The following DDAH1 variants were observed in gnomAD, a reference collection of about 807,000 sequenced individuals.
DDAH1 encodes dimethylarginine dimethylaminohydrolase 1.
In DDAH1, 19 loss-of-function variants were observed where a neutral mutation model predicts 28.8. That is an observed-to-expected ratio of 0.66 (90% confidence interval 0.46 to 0.97). The LOEUF (loss-of-function observed/expected upper bound fraction) is 0.97, where lower values mean the gene tolerates loss of function less well. Ranked by LOEUF, DDAH1 falls within the 50% of genes least tolerant of loss-of-function variation. The pLI, the probability that DDAH1 is intolerant of heterozygous loss-of-function variation, is 0.00. For synonymous variants in DDAH1, 153 were observed against 154.4 expected, an observed-to-expected ratio of 0.99 and a Z score of 0.07; for missense variants, 326 against 375.9, an observed-to-expected ratio of 0.87 and a Z score of 1.10.
chr1:85,499,659 T>G (rs1570612220), intron 1 of DDAH1, among the ~76,000 whole-genome samples: 1 of 138,974 alleles, frequency 7.2e-6, no homozygotes, highest in East Asian at 2.1e-4. Context: ...ACAGTGAGAC[T>G]CCATCTCAAA....
intron 1 of DDAH1, among the ~76,000 whole-genome samples, chr1:85,571,787 CTTTTTTTTTTT>C (rs58835610): frequency 4.7e-5 from 4 of 85,402 alleles, no homozygotes; most frequent in Admixed American, 1.5e-4. Context: ...TGTTTATAAG[CTTTTTTTTTTT>C]TTTTTTTTTT....
intron 2 of DDAH1, among the ~76,000 whole-genome samples, chr1:85,478,106 G>C (rs1363227640): frequency 1.3e-5 from 2 of 152,112 alleles, no homozygotes; most frequent in Middle Eastern, 3.2e-3. Flanking sequence ...GCCTTGGAAA[G>C]CAAATTTTTC....
chr1:85,567,415 A>G (rs773207415), intron 1 of DDAH1, among the ~76,000 whole-genome samples: 50 of 152,268 alleles, frequency 3.3e-4, no homozygotes, highest in Admixed American at 2.0e-4. Flanking sequence ...ACAAGATCCA[A>G]TGGTTTTAAA....
chr1:85,351,060 G>C (rs1570416494), intron 3 of DDAH1, among the ~76,000 whole-genome samples: 2 of 137,204 alleles, frequency 1.5e-5, no homozygotes, highest in East Asian at 4.3e-4. Context: ...GGGTTTCCAA[G>C]TTTTTTTTTT....
At position 85,464,120 on chromosome 1, in the gene DDAH1, A is replaced by T. The variant is rs188768868; in HGVS notation, c.303+623T>A. Among the ~76,000 whole-genome samples the T allele has an allele frequency of 6.6e-6, 1 of 152,334 alleles. No homozygotes were observed. The highest frequency in any genetic ancestry group is 2.4e-5 in the African/African-American group (1 of 41,586). ...GCACAGAGTACAGCTTTTCAAACCT[A>T]GCCCATTCATGCACACATTTAGCAC... On this transcript the variant is annotated intron_variant, in intron 1 of 5. Transcript: ENST00000284031. This position sits in a 1 kb window ranked among gnomAD's most constrained non-coding sequence, Gnocchi z 4.4.
chr1:85,326,717 T>C (rs1487080925), intron 4 of DDAH1, among the ~76,000 whole-genome samples: 2 of 152,232 alleles, frequency 1.3e-5, no homozygotes, highest in African/African-American at 4.8e-5. Flanking sequence ...CCGTCTGGTA[T>C]AGGTAAAGGA....
chr1:85,359,183 A>G (rs1288169256), intron 1 of DDAH1, among the ~76,000 whole-genome samples: 2 of 152,212 alleles, frequency 1.3e-5, no homozygotes, highest in African/African-American at 4.8e-5. Context: ...TTAATGCACC[A>G]TTGGAAGCTG....
chr1:85,345,207 G>C (rs747947909), intron 4 of DDAH1, among the ~76,000 whole-genome samples: 1 of 152,036 alleles, frequency 6.6e-6, no homozygotes, highest in Non-Finnish European at 1.5e-5. Flanking sequence ...TTCTTTGGGG[G>C]GGTTGGCTTC....
At chr1:85,358,581 G>A (rs550667459) in intron 2 of DDAH1, among the ~76,000 whole-genome samples, 167 bp downstream of exon 2, 7 of 152,170 alleles carry the variant, frequency 4.6e-5, no homozygotes, top group South Asian at 2.1e-4. Flanking sequence ...CCCAGGAGGC[G>A]GAGGTTGCAG....
chr1:85,465,102 G>T lies in DDAH1; in HGVS notation c.-57C>A. 8.4e-7 allele frequency: 1 copy of T among 1,191,844 alleles called. No homozygotes were observed. Among genetic ancestry groups the T allele is most frequent in the Non-Finnish European group, 1.0e-6 (1 of 963,246 alleles). 73.8% of individuals were successfully genotyped at this position (1,191,844 alleles called of 1,614,324 possible). ...GCGGAGGCGGCCGGGTCCTGCCGCG[G>T]GCAGCGCGCGCTGAGCCTGCGAGCG... On this transcript the variant is annotated 5_prime_UTR_variant, in exon 1 of 6. Transcript: ENST00000284031.
intron 4 of DDAH1, among the ~76,000 whole-genome samples, chr1:85,327,730 G>A (rs1174523333): frequency 6.6e-6 from 1 of 151,998 alleles, no homozygotes; most frequent in Non-Finnish European, 1.5e-5. Flanking sequence ...AAATGGGATG[G>A]GAATGCTATA....
At chr1:85,545,593 G>A (rs565342732) in intron 1 of DDAH1, among the ~76,000 whole-genome samples, 1 of 152,312 alleles carries the variant, frequency 6.6e-6, no homozygotes, top group East Asian at 1.9e-4. Flanking sequence ...CATTTGGAAA[G>A]AGGTGTATAT....
chr1:85,514,098 C>A (rs113428500), intron 1 of DDAH1, among the ~76,000 whole-genome samples: 1 of 152,172 alleles, frequency 6.6e-6, no homozygotes, highest in African/African-American at 2.4e-5. Flanking sequence ...GACTTGGAAC[C>A]AACTCAAATG....
chr1:85,571,882 G>A (rs747662952), intron 1 of DDAH1, among the ~76,000 whole-genome samples: 3 of 130,660 alleles, frequency 2.3e-5, no homozygotes, highest in Non-Finnish European at 3.1e-5. Flanking sequence ...CTGGCACTAT[G>A]TTTTTTCTTT....
At chr1:85,421,616 T>C (rs1226388709) in intron 1 of DDAH1, among the ~76,000 whole-genome samples, 1 of 152,186 alleles carries the variant, frequency 6.6e-6, no homozygotes, top group East Asian at 1.9e-4. Context: ...ACCCTCCTTC[T>C]CTCTCCCTGA....
At chr1:85,568,312 C>T (rs1298399920) in intron 1 of DDAH1, among the ~76,000 whole-genome samples, 3 of 152,088 alleles carry the variant, frequency 2.0e-5, no homozygotes, top group African/African-American at 7.2e-5. Context: ...GAAATAAAGA[C>T]AGATGGCATA....
intron 2 of DDAH1, among the ~76,000 whole-genome samples, chr1:85,355,975 G>A (rs1369943232): frequency 1.3e-5 from 2 of 152,136 alleles, no homozygotes; most frequent in African/African-American, 2.4e-5. Context: ...TACATGCATG[G>A]AGGCAAAACT....
intron 2 of DDAH1, among the ~76,000 whole-genome samples, chr1:85,473,481 A>G (rs1485393574): frequency 6.6e-6 from 1 of 152,036 alleles, no homozygotes; most frequent in Non-Finnish European, 1.5e-5. Context: ...ATGTATATGT[A>G]TGTGTACACA....
chr1:85,565,818 C>T (rs9970631), intron 1 of DDAH1, among the ~76,000 whole-genome samples: 55,339 of 152,002 alleles, frequency 0.36, 10,602 homozygotes, highest in Non-Finnish European at 0.43. Flanking sequence ...AGGTGGCTCA[C>T]GCCTGTAATC....
Sources: allele counts gnomAD v4.1 joint callset (sites outside exome capture counted in the v4.1 genomes callset), GRCh38; gene constraint gnomAD v4.1.1; non-coding constraint Gnocchi (gnomAD v3.1); transcripts MANE v1.5; gene names NCBI Gene and HGNC (gene_info 2026-07-23, HGNC 2026-07-21).